The following NFATC1 variants were observed in gnomAD, a reference collection of about 807,000 sequenced individuals.
NFATC1 encodes the protein nuclear factor of activated T-cells, cytoplasmic 1.
A neutral mutation model predicts 76.0 loss-of-function variants in NFATC1; 22 were observed. The ratio of observed to expected loss-of-function variants is 0.29; its 90% CI spans 0.21 to 0.41. NFATC1 has a LOEUF of 0.41. NFATC1 is among the 10% of genes least tolerant of loss of function. The pLI, the probability that NFATC1 is intolerant of heterozygous loss-of-function variation, is 1.00. For missense variants in NFATC1, 1,357 were observed against 1,337.7 expected (o/e 1.01, Z -0.23); for synonymous variants, 704 against 613.1 (o/e 1.15, Z -2.19).
In NFATC1 at chr18:79,396,309, C is replaced by G. The variant is rs1373697352; in HGVS notation, c.85C>G (p.Pro29Ala). ...CTTCGGGAGAGGAGAAACTTTGGGG[C>G]CCGCGCCGCGCGCCGGCGGCACCAT... ...AVFGRGETLG[P>A]APRAGGTMKS... is the part of the protein sequence containing the mutation. Residue 29 changes from proline (P) to alanine (A), a missense_variant, in exon 1 of 10, where the codon CCC (proline) becomes GCC (alanine). Pro to Ala is a conservative substitution (Grantham distance 27, BLOSUM62 -1). This residue lies in a region of NFATC1 where 691 missense variants were observed against 613.1 expected (regional missense o/e 1.13). Transcript: ENST00000427363. 3 of 1,426,830 alleles carry G rather than the reference C, an allele frequency of 2.1e-6. No individual in the cohort carries two copies. Among genetic ancestry groups the G allele is most frequent in the Non-Finnish European group, 2.8e-6 (3 of 1,076,122 alleles). 88.4% of individuals were successfully genotyped at this position (1,426,830 alleles called of 1,614,324 possible). A position where few individuals can be genotyped will look rare whatever the true frequency, so the allele number is the denominator to read the frequency against.
At chr18:79,481,848 TG>T (rs2089284128) in intron 8 of NFATC1, among the ~76,000 whole-genome samples, 1 of 144,192 alleles carries the variant, frequency 6.9e-6, no homozygotes, top group South Asian at 2.2e-4. Context: ...ACCTGGTTCC[TG>T]GGGTATAATT....
chr18:79,464,710 A>ATTTATT (rs1468121503), intron 7 of NFATC1, among the ~76,000 whole-genome samples: 2 of 92,034 alleles, frequency 2.2e-5, no homozygotes, highest in African/African-American at 9.1e-5. Flanking sequence ...TTATTTATTT[A>ATTTATT]TTTTTTTTTT....
At chr18:79,462,584 A>G (rs1436172411) in intron 7 of NFATC1, among the ~76,000 whole-genome samples, 1 of 152,332 alleles carries the variant, frequency 6.6e-6, no homozygotes, top group Non-Finnish European at 1.5e-5. Flanking sequence ...GATTACAGGC[A>G]TGAGCCACCG....
At chr18:79,526,109 G>A (rs1194822994) in intron 9 of NFATC1, among the ~76,000 whole-genome samples, 1 of 152,256 alleles carries the variant, frequency 6.6e-6, no homozygotes, top group Non-Finnish European at 1.5e-5. Context: ...CCGAGGCCCC[G>A]CAGCGCCGCC....
intron 6 of NFATC1, among the ~76,000 whole-genome samples, chr18:79,457,140 A>T (rs796490192): frequency 2.0e-5 from 3 of 152,210 alleles, no homozygotes; most frequent in African/African-American, 7.2e-5. Flanking sequence ...TTGTCACCAC[A>T]TGGCGTCTTT....
At chr18:79,419,308 G>C (rs1457560349) in intron 2 of NFATC1, among the ~76,000 whole-genome samples, 2 of 152,222 alleles carry the variant, frequency 1.3e-5, no homozygotes, top group Non-Finnish European at 2.9e-5. Flanking sequence ...GCAGGTGTGA[G>C]CCAGAGTTTT....
At chr18:79,463,593 C>T (rs1359750117) in intron 7 of NFATC1, among the ~76,000 whole-genome samples, 2 of 152,192 alleles carry the variant, frequency 1.3e-5, no homozygotes, top group African/African-American at 4.8e-5. Flanking sequence ...TGGCAGCCTT[C>T]GTCCATGGGG....
At chr18:79,514,963 G>A (rs953000888) in intron 9 of NFATC1, among the ~76,000 whole-genome samples, 3 of 151,606 alleles carry the variant, frequency 2.0e-5, no homozygotes, top group Admixed American at 6.6e-5. Context: ...AGTATTGCTT[G>A]AACCTGGGAG....
chr18:79,472,057 C>T (rs778212479), intron 8 of NFATC1, among the ~76,000 whole-genome samples: 14 of 152,068 alleles, frequency 9.2e-5, no homozygotes, highest in Non-Finnish European at 1.2e-4. Context: ...ACTGTGGCAT[C>T]GGAGAGGTGT....
intron 9 of NFATC1, among the ~76,000 whole-genome samples, chr18:79,526,042 T>TG (rs1406538025): frequency 1.3e-5 from 2 of 152,110 alleles, no homozygotes; most frequent in African/African-American, 4.8e-5. Context: ...CTAGGGCATT[T>TG]GGGTGGGGAC....
Position 79,486,513 on chromosome 18 carries a change from T to C in NFATC1, c.2358T>C (p.Cys786=). 1.9e-6 allele frequency: 3 copies of C among 1,603,010 alleles called. No homozygotes were observed. Among genetic ancestry groups the C allele is most frequent in the Non-Finnish European group, 2.5e-6 (3 of 1,179,118 alleles). ...AGGGCGTTGCCAGCCCGGGCCACTG[T>C]CACCTCGGACTCCCGCAGCCGGCCG... ...YTKGVASPGH[C]HLGLPQPAGE... The change falls in exon 9 of 10, where the codon TGT becomes TGC. Residue 786 remains cysteine, a synonymous_variant. Transcript: ENST00000427363.
In NFATC1 at chr18:79,481,538, T is replaced by C. The variant is rs556698904; in HGVS notation, c.2093-4710T>C. On this transcript the variant is annotated intron_variant, in intron 8 of 9. Coordinates refer to ENST00000427363, the MANE Select transcript of NFATC1 (RefSeq NM_001278669.2). Reference sequence around the variant, plus strand: ...TCTGCCCCATCTGTGAACCCTCAGCTGAAGAGGGCAGCCCCAGAGGCAGCC... The same window carrying C: ...TCTGCCCCATCTGTGAACCCTCAGCCGAAGAGGGCAGCCCCAGAGGCAGCC... Among the ~76,000 whole-genome samples the C allele has an allele frequency of 4.3e-4, 65 of 152,348 alleles. 1 individual carries two copies. In the East Asian group the frequency reaches 0.012, roughly 28 times the overall value.
chr18:79,495,683 C>G (rs567615580), intron 9 of NFATC1, among the ~76,000 whole-genome samples: 1 of 152,404 alleles, frequency 6.6e-6, no homozygotes, highest in South Asian at 2.1e-4. Flanking sequence ...TGTTCAGCCG[C>G]GACTGCGCGT....
At chr18:79,456,587 A>AG (rs1440363609) in intron 6 of NFATC1, among the ~76,000 whole-genome samples, 1 of 151,778 alleles carries the variant, frequency 6.6e-6, no homozygotes, top group South Asian at 2.1e-4. Flanking sequence ...GCGGGCGGGG[A>AG]GGAGGTGAGG....
chr18:79,412,086 C>A (rs983705752), intron 2 of NFATC1, among the ~76,000 whole-genome samples: 1 of 152,234 alleles, frequency 6.6e-6, no homozygotes, highest in Admixed American at 6.5e-5. Context: ...CCAGAGACGC[C>A]GGCTGTGGCA....
At chr18:79,448,735 G>A (rs778301024) in intron 3 of NFATC1, 47 bp from the exon 4 acceptor site, 37 of 1,581,942 alleles carry the variant, frequency 2.3e-5, no homozygotes, top group Admixed American at 3.4e-5. Context: ...GACTCCCGGC[G>A]GTCTGTGCTC....
At chr18:79,472,755 A>T (rs2088837334) in intron 8 of NFATC1, among the ~76,000 whole-genome samples, 1 of 151,904 alleles carries the variant, frequency 6.6e-6, no homozygotes, top group African/African-American at 2.4e-5. Flanking sequence ...GCCTTCCCTC[A>T]TCTGATCCTG....
intron 9 of NFATC1, chr18:79,497,299 CAG>C (rs2089913580): frequency 6.6e-6 from 1 of 152,272 alleles, no homozygotes; most frequent in African/African-American, 2.4e-5. Context: ...AGAACAAACA[CAG>C]ATGCATTCAC....
At chr18:79,497,313 C>G (rs1358308880) in intron 9 of NFATC1, 1 of 152,246 alleles carries the variant, frequency 6.6e-6, no homozygotes, top group Non-Finnish European at 1.5e-5. Flanking sequence ...TGCATTCACT[C>G]AAGGAAGAGC....
Sources: allele counts gnomAD v4.1 joint callset (sites outside exome capture counted in the v4.1 genomes callset), GRCh38; gene constraint gnomAD v4.1.1; regional missense constraint gnomAD v4.1.1; transcripts MANE v1.5; gene names NCBI Gene and HGNC (gene_info 2026-07-23, HGNC 2026-07-21).